The following CUX1 variants were observed in gnomAD, a reference collection of about 807,000 sequenced individuals.
CUX1 encodes the protein cut like homeobox 1.
Under a neutral mutation model 158.8 loss-of-function variants are expected in CUX1, and 31 were observed. The ratio of observed to expected loss-of-function variants is 0.20; its 90% confidence interval spans 0.15 to 0.26. CUX1 has a LOEUF of 0.26. Ranked by LOEUF, CUX1 falls within the 10% of genes least tolerant of loss-of-function variation. The pLI, the probability that CUX1 is intolerant of heterozygous loss-of-function variation, is 1.00. For missense variants in CUX1, 1,589 were observed against 2,014.6 expected, an observed-to-expected ratio of 0.79 and a Z score of 4.04; for synonymous variants, 879 against 862.1, an observed-to-expected ratio of 1.02 and a Z score of -0.34.
At chr7:102,029,272 T>TG (rs1820428760) in intron 3 of CUX1, among the ~76,000 whole-genome samples, 1 of 152,120 alleles carries the variant, frequency 6.6e-6, no homozygotes, top group Non-Finnish European at 1.5e-5. Flanking sequence ...GGATTACAGA[T>TG]GTGAGCCACT....
At chr7:101,912,242 C>T (rs1803576543) in intron 1 of CUX1, among the ~76,000 whole-genome samples, 1 of 131,074 alleles carries the variant, frequency 7.6e-6, no homozygotes, top group African/African-American at 2.8e-5. Flanking sequence ...CCCCTCCCCC[C>T]TCCCTCCTCC....
chr7:102,282,004 C>T (rs911181379), intron 21 of CUX1: 2 of 956,208 alleles, frequency 2.1e-6, no homozygotes, highest in Admixed American at 1.8e-5. Context: ...GTTACGGTGG[C>T]CTGGCCCCTG....
At chr7:102,166,568 C>CA (rs1444973565) in intron 9 of CUX1, among the ~76,000 whole-genome samples, 3 of 152,168 alleles carry the variant, frequency 2.0e-5, no homozygotes, top group Admixed American at 2.0e-4. Flanking sequence ...CCAGTGTCAC[C>CA]ACACGCCGAC....
At position 102,277,916 on chromosome 7, in the gene CUX1, C is replaced by A. The variant is rs1209029122; in HGVS notation, c.1564-33C>A. ...CACCTGTGCCAGCACGGAGGCCTCT[C>A]CCCCACCCCTTTCCTTGCCCCTCCC... On this transcript the variant is annotated intron_variant, in intron 17 of 22. Transcript: ENST00000292538. 4 of 1,125,778 alleles carry A rather than the reference C, an allele frequency of 3.6e-6. No homozygotes were observed. The South Asian group carries it at 4.3e-5, about 12-fold the overall frequency. The allele number at this position is 1,125,778 out of a possible 1,614,324, so 69.7% of individuals were successfully genotyped here.
chr7:102,035,964 C>T (rs1214343189), intron 3 of CUX1, among the ~76,000 whole-genome samples: 1 of 152,116 alleles, frequency 6.6e-6, no homozygotes, highest in Non-Finnish European at 1.5e-5. Context: ...CTCCACCTCC[C>T]GGATTCAAGG....
chr7:102,193,256 TCC>T (rs1794467451), intron 12 of CUX1, among the ~76,000 whole-genome samples: 2 of 152,210 alleles, frequency 1.3e-5, no homozygotes, highest in Non-Finnish European at 2.9e-5. Context: ...ACAAATACAT[TCC>T]ACTTGCAACA....
chr7:102,172,073 G>T (rs1166894207), intron 10 of CUX1, among the ~76,000 whole-genome samples: 1 of 152,072 alleles, frequency 6.6e-6, no homozygotes, highest in Non-Finnish European at 1.5e-5. Flanking sequence ...CACCCAATCT[G>T]TGAAACAGAA....
intron 2 of CUX1, among the ~76,000 whole-genome samples, chr7:101,939,323 G>A (rs909333658): frequency 3.3e-5 from 5 of 151,762 alleles, no homozygotes; most frequent in African/African-American, 7.3e-5. Context: ...CAGTGTGGCC[G>A]CTGTCAGTGC....
intron 1 of CUX1, among the ~76,000 whole-genome samples, chr7:101,872,076 G>A (rs1263837704): frequency 6.6e-6 from 1 of 151,698 alleles, no homozygotes; most frequent in Non-Finnish European, 1.5e-5. Context: ...AGTTCAAGAT[G>A]CAAAGCAATG....
Position 101,817,778 on chromosome 7 carries a change from G to T in CUX1, c.30+109G>T. The T allele has an allele frequency of 7.4e-7, 1 of 1,357,110 alleles. No individual in the cohort carries two copies. Among genetic ancestry groups the T allele is most frequent in the East Asian group, 2.6e-5 (1 of 38,106 alleles). 84.1% of individuals were successfully genotyped at this position (1,357,110 alleles called of 1,614,324 possible). On this transcript the variant is annotated intron_variant, in intron 1 of 23. Coordinates refer to ENST00000292535, the MANE Select transcript of CUX1 (RefSeq NM_181552.4). This position sits in a 1 kb window ranked among gnomAD's most constrained non-coding sequence, Gnocchi z 4.1. ...TTAGAATGCTCTAGGGCGGCCTGGT[G>T]CTCTGGGAGGGGATAGGAGGGTTCC... is the stretch of plus-strand genomic sequence containing the variant.
chr7:102,204,662 C>T, intron 19 of CUX1, 106 bp downstream of exon 19: 1 of 1,424,522 alleles, frequency 7.0e-7, no homozygotes, highest in Non-Finnish European at 9.5e-7. Context: ...AACTCCGCCC[C>T]AGGAGGTGGC....
chr7:101,935,613 G>T (rs1162864363), intron 2 of CUX1, among the ~76,000 whole-genome samples: 6 of 152,228 alleles, frequency 3.9e-5, no homozygotes, highest in Non-Finnish European at 7.3e-5. Flanking sequence ...AGTAGTAAAT[G>T]AAACTCTTGG....
intron 3 of CUX1, among the ~76,000 whole-genome samples, chr7:102,067,028 A>G (rs1045242913): frequency 2.6e-5 from 4 of 152,134 alleles, no homozygotes; most frequent in Non-Finnish European, 1.5e-5. Flanking sequence ...TCTGGAGTTC[A>G]TTGACTTTTA....
chr7:101,995,994 C>A (rs1360190038), intron 2 of CUX1, among the ~76,000 whole-genome samples: 3 of 151,984 alleles, frequency 2.0e-5, no homozygotes, highest in South Asian at 2.1e-4. Context: ...ACACCTGTAG[C>A]CCAGCTACTC....
Position 102,248,474 on chromosome 7 carries a change from G to T in CUX1, c.3950G>T (p.Gly1317Val). 1 of 1,593,930 alleles carries T rather than the reference G, an allele frequency of 6.3e-7. No individual in the cohort carries two copies. Among genetic ancestry groups the T allele is most frequent in the Non-Finnish European group, 8.5e-7 (1 of 1,174,092 alleles). The change falls in exon 24 of 24, where the codon GGC becomes GTC. Residue 1317 changes from glycine to valine, a missense_variant. Physicochemically the swap from Gly to Val is moderately radical, Grantham distance 109 (BLOSUM62 -3). Around this residue, in one of 8 missense-constraint regions of CUX1, gnomAD observed 344 missense variants for 323.7 expected, o/e 1.06. Transcript: ENST00000292535. This position sits in a 1 kb window ranked among gnomAD's most constrained non-coding sequence, Gnocchi z 5.8. ...CAGGCCGGGAGTCAGGGCCAGGCGG[G>T]CGCCAGCGACTCACCCTCGGCCCGC... is the stretch of plus-strand genomic sequence containing the variant. Reference protein sequence around the residue: ...EIQAGSQGQAGASDSPSARSG... With the variant: ...EIQAGSQGQAVASDSPSARSG...
At chr7:102,035,029 G>A (rs538382626) in intron 3 of CUX1, among the ~76,000 whole-genome samples, 46 of 149,166 alleles carry the variant, frequency 3.1e-4, no homozygotes, top group Non-Finnish European at 5.9e-4. Context: ...GTGGTAAAAG[G>A]TATTTATCAG....
At chr7:101,905,878 G>A (rs1741950755) in intron 1 of CUX1, among the ~76,000 whole-genome samples, 2 of 152,048 alleles carry the variant, frequency 1.3e-5, no homozygotes, top group Non-Finnish European at 2.9e-5. Context: ...TAATGAGACA[G>A]GGTCTTGCTC....
intron 2 of CUX1, among the ~76,000 whole-genome samples, chr7:102,007,559 C>T (rs991286298): frequency 1.3e-5 from 2 of 151,660 alleles, no homozygotes; most frequent in Non-Finnish European, 2.9e-5. Flanking sequence ...GGCCTGCACC[C>T]CTCCTGTCTG....
chr7:102,268,551 C>T (rs1191985863), intron 14 of CUX1, among the ~76,000 whole-genome samples: 1 of 152,198 alleles, frequency 6.6e-6, no homozygotes, highest in Non-Finnish European at 1.5e-5. Context: ...CTCACAGCAG[C>T]ACTGTCTCAG....
Sources: gnomAD v4.1 joint callset for allele counts (sites outside exome capture counted in the v4.1 genomes callset) on GRCh38, gnomAD v4.1.1 for gene constraint, gnomAD v4.1.1 regional missense constraint, Gnocchi (gnomAD v3.1) non-coding constraint, MANE v1.5 for transcripts, NCBI Gene and HGNC (gene_info 2026-07-23, HGNC 2026-07-21) for gene names.